Variants in MED12L observed in about 807,000 individuals in gnomAD.
MED12L encodes mediator of RNA polymerase II transcription subunit 12-like protein.
In MED12L, 60 loss-of-function variants were observed where a neutral mutation model predicts 281.3. The observed-to-expected ratio is 0.21, with a 90% CI of 0.17 to 0.26. The LOEUF (loss-of-function observed/expected upper bound fraction) is 0.26, where lower values mean the gene tolerates loss of function less well. Among genes scored for constraint, MED12L ranks in the 10% least tolerant of loss-of-function variants. The probability of loss-of-function intolerance (pLI) is 1.00; values close to 1 mark genes in which losing one functional copy is unlikely to be tolerated. For missense variants in MED12L, 2,146 were observed against 2,680.9 expected (o/e 0.80, Z 4.41); for synonymous variants, 974 against 987.2 (o/e 0.99, Z 0.25).
In MED12L at chr3:151,416,388, T is replaced by C. The variant is rs898610318; in HGVS notation, c.6374T>C (p.Leu2125Pro). ...QQSSQSQSQT[L>P]GLQAMQPQQP... The stretch of plus-strand genomic sequence containing the variant: ...TCCTCGCAGTCCCAGAGTCAGACCC[T>C]TGGTCTCCAAGCAATGCAGCCCCAG... The change falls in exon 43 of 45, where the codon CTT becomes CCT. Residue 2125 changes from leucine (L) to proline (P), a missense_variant. By Grantham distance (98) the Leu-to-Pro change is moderately conservative. Transcript: ENST00000687756. The C allele has an allele frequency of 2.2e-6, 3 of 1,376,110 alleles. No individual in the cohort carries two copies. The highest frequency in any genetic ancestry group is 1.5e-5 in the African/African-American group (1 of 66,600). The allele number at this position is 1,376,110 out of a possible 1,614,324, so 85.2% of individuals were successfully genotyped here. A position where few individuals can be genotyped will look rare whatever the true frequency, so the allele number is the denominator to read the frequency against.
At chr3:151,163,823 T>C in intron 8 of MED12L, 70 bp from the exon 9 acceptor site, 1 of 1,480,418 alleles carries the variant, frequency 6.8e-7, no homozygotes, top group Non-Finnish European at 9.2e-7. Context: ...GGGTGTCGTT[T>C]TTACTGTTTA....
At chr3:151,306,383 G>A (rs1033452351) in intron 16 of MED12L, among the ~76,000 whole-genome samples, 1 of 152,272 alleles carries the variant, frequency 6.6e-6, no homozygotes, top group East Asian at 1.9e-4. Flanking sequence ...CTCTACTGGG[G>A]CCTTTAAGTG....
At chr3:151,385,549 C>A (rs1296671809) in intron 36 of MED12L, among the ~76,000 whole-genome samples, 4 of 151,806 alleles carry the variant, frequency 2.6e-5, no homozygotes, top group Admixed American at 6.6e-5. Context: ...TGAAAAATTT[C>A]TTGTAAGCTG....
chr3:151,436,078 T>G lies in MED12L; in HGVS notation c.*3274T>G, dbSNP rs1293353370. 6.6e-6 allele frequency: 1 copy of G among 152,294 alleles called. No homozygotes were observed. The highest frequency in any genetic ancestry group is 1.5e-5 in the Non-Finnish European group (1 of 68,092). 9.4% of individuals were successfully genotyped at this position (152,294 alleles called of 1,614,324 possible). Reference sequence around the variant, plus strand: ...ATGATGTGCAGGTATTACATTGCTTTTTACATGTGGAAAAGTGAGCCTGCA... The same window carrying G: ...ATGATGTGCAGGTATTACATTGCTTGTTACATGTGGAAAAGTGAGCCTGCA... On this transcript the variant is annotated 3_prime_UTR_variant, in exon 45 of 45. Coordinates refer to ENST00000687756, the MANE Select transcript of MED12L (RefSeq NM_001393769.1).
At chr3:151,276,451 A>G (rs902854423) in intron 16 of MED12L, among the ~76,000 whole-genome samples, 11 of 152,212 alleles carry the variant, frequency 7.2e-5, no homozygotes, top group African/African-American at 2.7e-4. Context: ...ATGATGGCAG[A>G]ATATGCTTGT....
chr3:151,360,590 T>G lies in MED12L; in HGVS notation c.2942T>G (p.Phe981Cys). ...YVSCSHLRSK[F>C]GDLFSSACSK... The stretch of plus-strand genomic sequence containing the variant: ...TCATGTAGCCACCTCAGAAGTAAAT[T>G]TGGAGACCTCTTCAGGTGAGTAGAA... Residue 981 changes from phenylalanine (F) to cysteine (C), a missense_variant, in exon 21 of 45, where the codon TTT becomes TGT. Transcript: ENST00000687756. 2 of 1,612,328 alleles carry G rather than the reference T, an allele frequency of 1.2e-6. No homozygotes were observed. The highest frequency in any genetic ancestry group is 1.7e-6 in the Non-Finnish European group (2 of 1,178,890).
At chr3:151,188,702 C>A (rs933128033) in intron 13 of MED12L, among the ~76,000 whole-genome samples, 1 of 152,108 alleles carries the variant, frequency 6.6e-6, no homozygotes, top group Admixed American at 6.5e-5. Flanking sequence ...TTAAAAGTCA[C>A]CTCACTCCTT....
intron 43 of MED12L, among the ~76,000 whole-genome samples, chr3:151,422,682 C>T (rs1257146234): frequency 1.3e-5 from 2 of 152,094 alleles, no homozygotes; most frequent in Non-Finnish European, 2.9e-5. Context: ...CTGGGTGTTA[C>T]GACTCCAGCA....
intron 16 of MED12L, among the ~76,000 whole-genome samples, chr3:151,321,302 A>G (rs1190171451): frequency 6.6e-6 from 1 of 152,290 alleles, no homozygotes; most frequent in Middle Eastern, 3.4e-3. Context: ...GTGGGAATCT[A>G]TAAAAGCTGA....
intron 16 of MED12L, among the ~76,000 whole-genome samples, chr3:151,291,302 C>T (rs2149673316): frequency 1.4e-5 from 1 of 73,308 alleles, no homozygotes; most frequent in South Asian, 5.6e-4. Flanking sequence ...TTCTGCATTC[C>T]CTTAGGCACC....
chr3:151,299,026 T>A (rs1371362596), intron 16 of MED12L, among the ~76,000 whole-genome samples: 1 of 152,212 alleles, frequency 6.6e-6, no homozygotes, highest in East Asian at 1.9e-4. Flanking sequence ...GTTAAATGCT[T>A]TGCAAACATT....
In MED12L at chr3:151,365,856, C is replaced by T. The variant is rs1341323062; in HGVS notation, c.3192C>T (p.Asn1064=). The T allele has an allele frequency of 1.4e-5, 23 of 1,608,618 alleles. 1 individual carries two copies. Among genetic ancestry groups the T allele is most frequent in the Middle Eastern group, 1.7e-4 (1 of 6,038 alleles). Residue 1064 remains asparagine, a synonymous_variant, in exon 23 of 45, where the codon AAC becomes AAT. Transcript: ENST00000687756. ...CMGHQDAGRI[N]DIANFSSELT... ...TCTTCTTTTTCTTTTCTAGGATTAACGACATAGCCAATTTCTCCTCTGAGC... is the reference window on the plus strand; with the variant it reads ...TCTTCTTTTTCTTTTCTAGGATTAATGACATAGCCAATTTCTCCTCTGAGC...
chr3:151,294,111 T>C (rs986397609), intron 16 of MED12L: 1 of 1,057,338 alleles, frequency 9.5e-7, no homozygotes, highest in East Asian at 2.4e-5. Context: ...GCAAGGATAA[T>C]GAAAAGAAAC....
In MED12L at chr3:151,317,436, CTTTTTTTTTT is replaced by C. The variant is rs1164820615; in HGVS notation, c.2251-32602_2251-32593del. Among the ~76,000 whole-genome samples, 12 of 58,744 alleles carry C rather than the reference CTTTTTTTTTT, an allele frequency of 2.0e-4. 1 individual carries two copies. The South Asian group carries it at 3.3e-3, about 16-fold the overall frequency. The allele number at this position is 58,744 out of a possible 152,430, so 38.5% of individuals were successfully genotyped here. Reference sequence around the variant, plus strand: ...ATGACAAATTTATATAATCATATCACTTTTTTTTTTTTTTTTTTTTTTTTTTTTTTGTGAG... The same window carrying C: ...ATGACAAATTTATATAATCATATCACTTTTTTTTTTTTTTTTTTTTGTGAG... On this transcript the variant is annotated intron_variant, in intron 16 of 44. Transcript: ENST00000687756.
intron 11 of MED12L, among the ~76,000 whole-genome samples, chr3:151,168,052 C>A (rs911868365): frequency 6.6e-6 from 1 of 152,014 alleles, no homozygotes; most frequent in Non-Finnish European, 1.5e-5. Context: ...GATTATTGCC[C>A]CATTCACCTG....
intron 5 of MED12L, among the ~76,000 whole-genome samples, chr3:151,154,360 A>G (rs1257358954): frequency 6.6e-6 from 1 of 152,240 alleles, no homozygotes; most frequent in African/African-American, 2.4e-5. Context: ...ATATGTTTAT[A>G]GAAACATTCA....
intron 9 of MED12L, among the ~76,000 whole-genome samples, chr3:151,164,858 G>A (rs925438002): frequency 6.6e-6 from 1 of 152,074 alleles, no homozygotes; most frequent in Non-Finnish European, 1.5e-5. Flanking sequence ...GTTGTGGGGT[G>A]GGGGTAGGGG....
At chr3:151,163,764 C>A in intron 8 of MED12L, 129 bp from the exon 9 acceptor site, 2 of 876,860 alleles carry the variant, frequency 2.3e-6, no homozygotes, top group Non-Finnish European at 1.7e-6. Context: ...GGGTAAGACA[C>A]TCTCGTATTT....
intron 11 of MED12L, among the ~76,000 whole-genome samples, chr3:151,171,770 C>T (rs1721458406): frequency 6.6e-6 from 1 of 152,210 alleles, no homozygotes; most frequent in Admixed American, 6.5e-5. Flanking sequence ...ATCAGTGCAG[C>T]TGGCGAACTC....
Sources: gnomAD v4.1 joint callset for allele counts (sites outside exome capture counted in the v4.1 genomes callset) on GRCh38, gnomAD v4.1.1 for gene constraint, MANE v1.5 for transcripts, NCBI Gene and HGNC (gene_info 2026-07-23, HGNC 2026-07-21) for gene names.